The following TRMT44 variants were observed in gnomAD, a reference collection of about 807,000 sequenced individuals.
The protein encoded by TRMT44 is probable tRNA (uracil-O(2)-)-methyltransferase.
A neutral mutation model predicts 77.3 loss-of-function variants in TRMT44; 78 were observed. The ratio of observed to expected loss-of-function variants is 1.01; its 90% confidence interval spans 0.84 to 1.22. The LOEUF is 1.22. TRMT44 is among the 50% of genes most tolerant of loss of function. The pLI, the probability that TRMT44 is intolerant of heterozygous loss-of-function variation, is 0.00. For synonymous variants in TRMT44, 391 were observed against 383.3 expected, an observed-to-expected ratio of 1.02 and a Z score of -0.23; for missense variants, 1,090 against 964.4, an observed-to-expected ratio of 1.13 and a Z score of -1.73.
the TRMT44 span, among the ~76,000 whole-genome samples, chr4:8,500,263 G>A: frequency 1.3e-5 from 2 of 151,998 alleles, no homozygotes; most frequent in African/African-American, 2.4e-5. Context: ...AGGCTGAGGC[G>A]GGTGGATCAC....
chr4:8,507,234 G>A, the TRMT44 span: 2 of 152,538 alleles, frequency 1.3e-5, no homozygotes, highest in East Asian at 3.8e-4. Context: ...GGGCACAGCA[G>A]AGGACGTGCT....
At chr4:8,443,153 CCTCT>C (rs768486998) in intron 1 of TRMT44, among the ~76,000 whole-genome samples, 4 of 152,166 alleles carry the variant, frequency 2.6e-5, no homozygotes, top group Non-Finnish European at 5.9e-5. Flanking sequence ...CTCCAGGGGG[CCTCT>C]CTGCCAGTCC....
At chr4:8,491,702 G>A (rs575785350) in intron 2 of TRMT44, among the ~76,000 whole-genome samples, 19 of 152,342 alleles carry the variant, frequency 1.2e-4, no homozygotes, top group Admixed American at 2.6e-4. Flanking sequence ...CGGCTGCTCC[G>A]AGTGCAGGCC....
At chr4:8,470,736 G>C (rs1422490747) in intron 9 of TRMT44, among the ~76,000 whole-genome samples, 2 of 152,210 alleles carry the variant, frequency 1.3e-5, no homozygotes, top group Non-Finnish European at 2.9e-5. Context: ...TTTAGTCTGA[G>C]AAACCCTGGC....
At chr4:8,502,876 C>T in the TRMT44 span, among the ~76,000 whole-genome samples, 1 of 152,226 alleles carries the variant, frequency 6.6e-6, no homozygotes, top group Admixed American at 6.5e-5. Context: ...GAACATGGGC[C>T]ACTACAGGGT....
intron 5 of TRMT44, chr4:8,454,421 C>T: frequency 3.1e-6 from 1 of 319,700 alleles, no homozygotes; most frequent in East Asian, 5.2e-5. Context: ...ATTCCAAGCT[C>T]TTAGAGGCGT....
chr4:8,496,569 A>T (rs1728157197), downstream of TRMT44, among the ~76,000 whole-genome samples: 1 of 152,196 alleles, frequency 6.6e-6, no homozygotes, highest in African/African-American at 2.4e-5. Context: ...TGGGCAGTTA[A>T]CCAGAGGCAG....
chr4:8,499,603 CCTGAGGGTCGA>C, the TRMT44 span, among the ~76,000 whole-genome samples: 1 of 94,740 alleles, frequency 1.1e-5, no homozygotes, highest in Non-Finnish European at 2.3e-5. Flanking sequence ...TTTAGTGTGT[CCTGAGGGTCGA>C]TTTAGTGTCA....
intron 9 of TRMT44, 21 bp from the exon 10 acceptor site, chr4:8,471,063 A>G: frequency 6.4e-7 from 1 of 1,561,406 alleles, no homozygotes; most frequent in Non-Finnish European, 8.7e-7. Flanking sequence ...TTGGGGAAAA[A>G]AAAAACCCGT....
Position 8,440,779 on chromosome 4 carries a change from C to G in TRMT44, c.-44C>G. ...AACGCGCCGCGCCACCGGGCTGCGT[C>G]ATCTCGGCGCGCCGCTGCCAGGGCT... On this transcript the variant is annotated 5_prime_UTR_variant, in exon 1 of 11. Coordinates refer to ENST00000389737, the MANE Select transcript of TRMT44 (RefSeq NM_152544.3). The G allele has an allele frequency of 7.2e-7, 1 of 1,381,060 alleles. No homozygotes were observed. Among genetic ancestry groups the G allele is most frequent in the Non-Finnish European group, 9.3e-7 (1 of 1,072,554 alleles). The allele number at this position is 1,381,060 out of a possible 1,614,324, so 85.6% of individuals were successfully genotyped here.
intron 2 of TRMT44, among the ~76,000 whole-genome samples, chr4:8,487,471 A>G (rs1727847052): frequency 6.6e-6 from 1 of 152,018 alleles, no homozygotes; most frequent in African/African-American, 2.4e-5. Context: ...GGGCATGGAA[A>G]TAAGGGATGG....
At chr4:8,473,954 C>T (rs934536389) in intron 10 of TRMT44, among the ~76,000 whole-genome samples, 2 of 152,224 alleles carry the variant, frequency 1.3e-5, no homozygotes, top group Non-Finnish European at 2.9e-5. Flanking sequence ...TCTCTATCAT[C>T]AGCGCCCGCT....
chr4:8,457,027 C>T (rs899727783), intron 6 of TRMT44, among the ~76,000 whole-genome samples: 23 of 108,268 alleles, frequency 2.1e-4, no homozygotes, highest in African/African-American at 7.8e-4. Flanking sequence ...GCCCCCCCCC[C>T]CCAACTATCT....
chr4:8,450,792 G>GTTT (rs59875098), intron 3 of TRMT44, among the ~76,000 whole-genome samples: 1,522 of 96,564 alleles, frequency 0.016, 76 homozygotes, highest in South Asian at 0.035. Context: ...TCATTTCCAT[G>GTTT]TTTTTTTTTT....
chr4:8,471,833 C>T (rs76487358), intron 10 of TRMT44, among the ~76,000 whole-genome samples: 7 of 152,186 alleles, frequency 4.6e-5, no homozygotes, highest in Admixed American at 4.6e-4. Context: ...CTTCTGGAGC[C>T]GGTGGTGCAG....
rs544901195 is a variant in TRMT44 at position 8,446,454 on chromosome 4, C to T, written c.620-22C>T. The T allele has an allele frequency of 1.6e-5, 23 of 1,472,026 alleles. No homozygotes were observed. In the African/African-American group the frequency reaches 2.9e-4, roughly 19 times the overall value. The allele number at this position is 1,472,026 out of a possible 1,614,324, so 91.2% of individuals were successfully genotyped here. A position where few individuals can be genotyped will look rare whatever the true frequency, so the allele number is the denominator to read the frequency against. On this transcript the variant is annotated intron_variant, in intron 1 of 10. Transcript: ENST00000389737. This position sits in a 1 kb window ranked among gnomAD's most constrained non-coding sequence, Gnocchi z 4.3. The stretch of plus-strand genomic sequence containing the variant: ...GGTAGCTAGGCAGTTGTAATTTGTC[C>T]TTCTTCTCTTTTTCTTTCCAGATGT...
intron 9 of TRMT44, 166 bp from the exon 10 acceptor site, chr4:8,470,918 G>A: frequency 1.8e-6 from 1 of 564,926 alleles, no homozygotes; most frequent in Non-Finnish European, 3.2e-6. Flanking sequence ...GGCCCTCACG[G>A]TTTGGTGCGG....
chr4:8,456,433 G>A (rs538173021), intron 6 of TRMT44, among the ~76,000 whole-genome samples: 12 of 151,986 alleles, frequency 7.9e-5, no homozygotes, highest in South Asian at 2.1e-4. Flanking sequence ...GAAAAGTTAC[G>A]GCATTAGAAG....
At chr4:8,471,781 C>G (rs1727022753) in intron 10 of TRMT44, among the ~76,000 whole-genome samples, 1 of 152,222 alleles carries the variant, frequency 6.6e-6, no homozygotes, top group Non-Finnish European at 1.5e-5. Context: ...ACCCGCTTGT[C>G]CATTCACTCA....
Sources: allele counts gnomAD v4.1 joint callset (sites outside exome capture counted in the v4.1 genomes callset), GRCh38; gene constraint gnomAD v4.1.1; non-coding constraint Gnocchi (gnomAD v3.1); transcripts MANE v1.5; gene names NCBI Gene and HGNC (gene_info 2026-07-23, HGNC 2026-07-21).